Variants in FARP1 observed in about 807,000 individuals in gnomAD.
FARP1 encodes the protein FERM, ARH/RhoGEF and pleckstrin domain protein 1, also known as FERM, ARHGEF and pleckstrin domain-containing protein 1.
Under a neutral mutation model 128.8 loss-of-function variants are expected in FARP1, and 52 were observed. That is an observed-to-expected ratio of 0.40 (90% CI 0.32 to 0.51). The LOEUF (loss-of-function observed/expected upper bound fraction) is 0.51. Among genes scored for constraint, FARP1 ranks in the 20% least tolerant of loss-of-function variants. FARP1 has a pLI of 0.45. For missense variants in FARP1, 1,333 were observed against 1,367.9 expected, an observed-to-expected ratio of 0.97 and a Z score of 0.40; for synonymous variants, 580 against 551.8, an observed-to-expected ratio of 1.05 and a Z score of -0.72.
At chr13:98,197,830 G>T (rs1566729836) in intron 1 of FARP1, among the ~76,000 whole-genome samples, 1 of 151,874 alleles carries the variant, frequency 6.6e-6, no homozygotes, top group Non-Finnish European at 1.5e-5. Flanking sequence ...TAGAGACGGG[G>T]TTTCACTGTT....
intron 2 of FARP1, among the ~76,000 whole-genome samples, chr13:98,279,154 C>A (rs1267971770): frequency 6.6e-6 from 1 of 151,996 alleles, no homozygotes; most frequent in East Asian, 1.9e-4. Flanking sequence ...GTTTTTTAAT[C>A]CAGATAGGCA....
intron 2 of FARP1, among the ~76,000 whole-genome samples, chr13:98,223,110 G>T (rs1881525060): frequency 6.6e-6 from 1 of 152,192 alleles, no homozygotes; most frequent in Non-Finnish European, 1.5e-5. Flanking sequence ...CCAGGACGTA[G>T]ACCTGACAGG....
chr13:98,306,260 C>A (rs1213874371), intron 2 of FARP1, among the ~76,000 whole-genome samples: 1 of 152,178 alleles, frequency 6.6e-6, no homozygotes, highest in Non-Finnish European at 1.5e-5. Flanking sequence ...CCATGCCAAG[C>A]TTAAACATAT....
At chr13:98,249,454 A>G (rs1566792946) in intron 2 of FARP1, among the ~76,000 whole-genome samples, 1 of 152,184 alleles carries the variant, frequency 6.6e-6, no homozygotes, top group African/African-American at 2.4e-5. Context: ...GTTACAGCCC[A>G]TTATTGAGGG....
intron 2 of FARP1, among the ~76,000 whole-genome samples, chr13:98,246,872 A>C (rs1336006270): frequency 6.6e-6 from 1 of 152,182 alleles, no homozygotes; most frequent in Non-Finnish European, 1.5e-5. Context: ...CTGCCTGTGC[A>C]CTTCCTGCAT....
chr13:98,429,247 A>G (rs781678359), intron 17 of FARP1, among the ~76,000 whole-genome samples: 4 of 152,162 alleles, frequency 2.6e-5, no homozygotes, highest in Non-Finnish European at 5.9e-5. Context: ...ACCCCGAGGG[A>G]TGGGGGGTCC....
intron 21 of FARP1, 58 bp downstream of exon 21, chr13:98,439,254 G>A (rs1193104974): frequency 5.0e-6 from 6 of 1,202,376 alleles, no homozygotes; most frequent in African/African-American, 4.6e-5. Context: ...AGGTGCGGGC[G>A]CTGCTGACCC....
intron 13 of FARP1, chr13:98,398,469 C>T (rs1457798709): frequency 6.6e-6 from 1 of 152,180 alleles, no homozygotes; most frequent in African/African-American, 2.4e-5. Flanking sequence ...GAAACTGTAA[C>T]CTCGTCTCTA....
intron 2 of FARP1, among the ~76,000 whole-genome samples, chr13:98,258,599 A>AT (rs1445006520): frequency 6.6e-6 from 1 of 152,160 alleles, no homozygotes; most frequent in Non-Finnish European, 1.5e-5. Context: ...CATGCTTGTG[A>AT]TCACAGCATT....
At chr13:98,361,300 A>G (rs1349376979) in intron 3 of FARP1, among the ~76,000 whole-genome samples, 2 of 152,190 alleles carry the variant, frequency 1.3e-5, no homozygotes, top group Non-Finnish European at 2.9e-5. Context: ...GCTGCTGAAC[A>G]CACTGAATTA....
intron 1 of FARP1, chr13:98,159,472 AT>A (rs200328845): frequency 0.044 from 5,928 of 135,358 alleles, 315 homozygotes; most frequent in African/African-American, 0.14. Context: ...TTTAATTGTG[AT>A]TTTTTTTTTT....
At chr13:98,390,723 G>A (rs1393044694) in intron 10 of FARP1, 89 bp from the exon 11 acceptor site, 5 of 967,218 alleles carry the variant, frequency 5.2e-6, no homozygotes, top group Non-Finnish European at 8.3e-6. Flanking sequence ...TAGGGAAGGA[G>A]GGGAAGTGAA....
chr13:98,319,866 T>G (rs1290658441), intron 2 of FARP1, among the ~76,000 whole-genome samples: 1 of 152,220 alleles, frequency 6.6e-6, no homozygotes, highest in South Asian at 2.1e-4. Flanking sequence ...GACTTTTTTT[T>G]TTCTTGAAAA....
intron 3 of FARP1, among the ~76,000 whole-genome samples, chr13:98,346,607 T>C (rs1181970884): frequency 1.3e-5 from 2 of 151,868 alleles, no homozygotes; most frequent in Admixed American, 1.3e-4. Flanking sequence ...TAGCTGGGTG[T>C]GGTGGCGCAC....
At chr13:98,166,713 A>G (rs1594219417) in intron 1 of FARP1, among the ~76,000 whole-genome samples, 1 of 146,056 alleles carries the variant, frequency 6.8e-6, no homozygotes, top group South Asian at 2.1e-4. Flanking sequence ...GTGAGATGCC[A>G]GTTTTTCTTT....
At chr13:98,166,161 C>T (rs1392749814) in intron 1 of FARP1, among the ~76,000 whole-genome samples, 2 of 152,122 alleles carry the variant, frequency 1.3e-5, no homozygotes, top group South Asian at 4.1e-4. Context: ...TTTTTATCGG[C>T]ATATAAACAG....
chr13:98,272,910 G>T (rs1884456528), intron 2 of FARP1, among the ~76,000 whole-genome samples: 1 of 152,190 alleles, frequency 6.6e-6, no homozygotes, highest in Non-Finnish European at 1.5e-5. Context: ...AGCTAGAAGG[G>T]CCCTGGCCAC....
chr13:98,186,226 C>T (rs1878861860), intron 1 of FARP1, among the ~76,000 whole-genome samples: 1 of 152,320 alleles, frequency 6.6e-6, no homozygotes, highest in South Asian at 2.1e-4. Context: ...CCTGCCTCAG[C>T]CTCCTGAGTA....
intron 18 of FARP1, chr13:98,431,643 G>A (rs374330212): frequency 5.9e-6 from 1 of 170,236 alleles, no homozygotes; most frequent in East Asian, 1.7e-4. Context: ...TGTATTTTTA[G>A]TAGAGACGGG....
Sources: allele counts gnomAD v4.1 joint callset (sites outside exome capture counted in the v4.1 genomes callset), GRCh38; gene constraint gnomAD v4.1.1; transcripts MANE v1.5; gene names NCBI Gene and HGNC (gene_info 2026-07-23, HGNC 2026-07-21).